SMARCC1: variants seen among roughly 807,000 people sequenced by gnomAD.
SMARCC1 encodes the protein SWI/SNF complex subunit SMARCC1.
SMARCC1 carries 43 observed loss-of-function variants against 147.4 expected under a neutral mutation model. The ratio of observed to expected loss-of-function variants is 0.29; its 90% CI spans 0.23 to 0.38. The LOEUF (loss-of-function observed/expected upper bound fraction) is 0.38, where lower values mean the gene tolerates loss of function less well. SMARCC1 is among the 10% of genes least tolerant of loss of function. SMARCC1 has a pLI of 1.00. For synonymous variants in SMARCC1, 495 were observed against 484.4 expected, an observed-to-expected ratio of 1.02 and a Z score of -0.29; for missense variants, 1,119 against 1,381.1, an observed-to-expected ratio of 0.81 and a Z score of 3.01.
intron 1 of SMARCC1, among the ~76,000 whole-genome samples, chr3:47,778,960 C>G (rs905495450): frequency 3.3e-5 from 5 of 152,094 alleles, no homozygotes; most frequent in African/African-American, 1.2e-4. Flanking sequence ...TGCACTCCAG[C>G]CTGGGCAACA....
At position 47,781,700 on chromosome 3, in the gene SMARCC1, C is replaced by T; in HGVS notation, c.98G>A (p.Arg33Gln). The change falls in exon 1 of 28, where the codon CGG (arginine) becomes CAG (glutamine). Residue 33 changes from arginine to glutamine, a missense_variant. Physicochemically the swap from Arg to Gln is conservative, Grantham distance 43. Transcript: ENST00000254480. ...AAAAGLAVYR[R>Q]KDGGPATKFW... ...CTTGGTGGCCGGGCCCCCATCCTTC[C>T]GTCGATAAACAGCTAGGCCTGCGGC... The T allele has an allele frequency of 6.4e-7, 1 of 1,562,894 alleles. No homozygotes were observed. Among genetic ancestry groups the T allele is most frequent in the Non-Finnish European group, 8.6e-7 (1 of 1,158,410 alleles).
chr3:47,746,292 A>G, intron 2 of SMARCC1: 1 of 210,784 alleles, frequency 4.7e-6, no homozygotes, highest in Non-Finnish European at 9.3e-6. Flanking sequence ...CTAGAAAAAA[A>G]TTTAAAAATT....
At chr3:47,749,053 A>C (rs2034598467) in intron 2 of SMARCC1, among the ~76,000 whole-genome samples, 1 of 152,176 alleles carries the variant, frequency 6.6e-6, no homozygotes, top group Non-Finnish European at 1.5e-5. Context: ...CTGTAATCCC[A>C]GCACTTTGGG....
At chr3:47,711,857 A>G (rs933223915) in intron 8 of SMARCC1, among the ~76,000 whole-genome samples, 3 of 152,256 alleles carry the variant, frequency 2.0e-5, no homozygotes, top group Admixed American at 6.5e-5. Flanking sequence ...AAAGCCTCCA[A>G]TAATGTAACC....
intron 18 of SMARCC1, among the ~76,000 whole-genome samples, chr3:47,672,875 T>G (rs1163991285): frequency 3.9e-5 from 6 of 151,934 alleles, no homozygotes; most frequent in Non-Finnish European, 7.4e-5. Flanking sequence ...TCCTCCTGGG[T>G]TCAAGCGACT....
chr3:47,719,155 C>A (rs765815946), intron 7 of SMARCC1, among the ~76,000 whole-genome samples: 1 of 152,028 alleles, frequency 6.6e-6, no homozygotes, highest in South Asian at 2.1e-4. Flanking sequence ...ACCTCGTGAT[C>A]CGCCCGCCTT....
chr3:47,648,130 G>C (rs1254467943), intron 21 of SMARCC1, among the ~76,000 whole-genome samples: 2 of 151,912 alleles, frequency 1.3e-5, no homozygotes, highest in Middle Eastern at 3.2e-3. Context: ...AAACAGCTGA[G>C]ATTACAGGGA....
At chr3:47,769,889 A>C (rs148495566) in intron 2 of SMARCC1, among the ~76,000 whole-genome samples, 1 of 152,164 alleles carries the variant, frequency 6.6e-6, no homozygotes, top group Non-Finnish European at 1.5e-5. Context: ...TCCCACACTA[A>C]CTACCAGGGC....
chr3:47,758,182 T>C lies in SMARCC1; in HGVS notation c.316-12189A>G, dbSNP rs934219017. 6.6e-5 allele frequency among the ~76,000 whole-genome samples: 10 copies of C among 152,086 alleles called. No homozygotes were observed. In the East Asian group the frequency reaches 1.7e-3, roughly 26 times the overall value. On this transcript the variant is annotated intron_variant, in intron 2 of 27. Coordinates refer to ENST00000254480, the MANE Select transcript of SMARCC1 (RefSeq NM_003074.4). ...TCACCCAGGCTGGAGTGCAGTGGAA[T>C]GATCACTACTCACTGCAGCCTTCAA...
intron 1 of SMARCC1, among the ~76,000 whole-genome samples, chr3:47,779,824 T>G (rs904258428): frequency 1.3e-5 from 2 of 152,214 alleles, no homozygotes; most frequent in African/African-American, 4.8e-5. Context: ...TTTTTCTTTG[T>G]TAAAGCTTCA....
intron 26 of SMARCC1, among the ~76,000 whole-genome samples, chr3:47,608,480 C>T (rs1463474759): frequency 6.6e-6 from 1 of 152,254 alleles, no homozygotes; most frequent in East Asian, 1.9e-4. Flanking sequence ...CGACTGACAA[C>T]ACCAGAACTA....
intron 18 of SMARCC1, among the ~76,000 whole-genome samples, chr3:47,673,193 GGAC>G (rs1278299792): frequency 1.3e-5 from 2 of 151,692 alleles, no homozygotes; most frequent in East Asian, 3.9e-4. Flanking sequence ...AGACAAACCA[GGAC>G]AACACAGTGA....
chr3:47,696,149 T>A (rs1021983138), intron 11 of SMARCC1, among the ~76,000 whole-genome samples: 5 of 148,374 alleles, frequency 3.4e-5, no homozygotes, highest in Non-Finnish European at 7.4e-5. Flanking sequence ...GGCGGGTGGA[T>A]CACCTGAGAT....
chr3:47,605,004 T>A (rs2032448492), intron 26 of SMARCC1, among the ~76,000 whole-genome samples: 1 of 152,254 alleles, frequency 6.6e-6, no homozygotes. Context: ...CCCAGCCTAA[T>A]GTGCTGTTGC....
At chr3:47,754,831 T>C (rs185680309) in intron 2 of SMARCC1, among the ~76,000 whole-genome samples, 33 of 152,174 alleles carry the variant, frequency 2.2e-4, no homozygotes, top group Admixed American at 1.4e-3. Context: ...CCACTGTAAG[T>C]CAGGAGTTCG....
chr3:47,684,295 C>G (rs1320358674), intron 14 of SMARCC1, among the ~76,000 whole-genome samples: 1 of 151,170 alleles, frequency 6.6e-6, no homozygotes, highest in Non-Finnish European at 1.5e-5. Context: ...ATGCTCGAAG[C>G]ATGCCACAGT....
intron 18 of SMARCC1, among the ~76,000 whole-genome samples, chr3:47,671,173 C>CAAAAAAAAAAAAAAAAAAAAAAAA (rs775759680): frequency 3.1e-4 from 9 of 29,240 alleles, no homozygotes; most frequent in South Asian, 2.8e-3. Context: ...GAGACTATCT[C>CAAAAAAAAAAAAAAAAAAAAAAAA]AAAAAAAAAA....
intron 5 of SMARCC1, among the ~76,000 whole-genome samples, chr3:47,733,276 G>A (rs751095634): frequency 1.8e-4 from 27 of 151,918 alleles, no homozygotes; most frequent in Admixed American, 9.8e-4. Context: ...GGAGCAGGGC[G>A]GCTGCGGGGT....
At chr3:47,771,152 G>A (rs1381857751) in intron 2 of SMARCC1, among the ~76,000 whole-genome samples, 3 of 151,994 alleles carry the variant, frequency 2.0e-5, no homozygotes, top group African/African-American at 4.8e-5. Context: ...ATCGTGATCC[G>A]CCCACCTCAG....
Sources: allele counts gnomAD v4.1 joint callset (sites outside exome capture counted in the v4.1 genomes callset), GRCh38; gene constraint gnomAD v4.1.1; transcripts MANE v1.5; gene names NCBI Gene and HGNC (gene_info 2026-07-23, HGNC 2026-07-21).